FBLN1: variants seen among roughly 807,000 people sequenced by gnomAD.
The protein encoded by FBLN1 is fibulin-1.
A neutral mutation model predicts 89.7 loss-of-function variants in FBLN1; 34 were observed. That is an observed-to-expected ratio of 0.38 (90% confidence interval 0.29 to 0.50). The LOEUF (loss-of-function observed/expected upper bound fraction) is 0.50. Ranked by LOEUF, FBLN1 falls within the 20% of genes least tolerant of loss-of-function variation. The pLI, the probability that FBLN1 is intolerant of heterozygous loss-of-function variation, is 0.92. For synonymous variants in FBLN1, 393 were observed against 391.3 expected, an observed-to-expected ratio of 1.00 and a Z score of -0.05; for missense variants, 777 against 988.1, an observed-to-expected ratio of 0.79 and a Z score of 2.86.
At chr22:45,565,129 T>A in intron 14 of FBLN1, 12 of 1,586,386 alleles carry the variant, frequency 7.6e-6, no homozygotes, top group Non-Finnish European at 1.0e-5. Context: ...CATGCCAGGT[T>A]TGCACCAGCC....
rs766630351 is a variant in FBLN1 at position 45,533,830 on chromosome 22, C to G, written c.716C>G (p.Ser239Cys). 2 of 1,613,950 alleles carry G rather than the reference C, an allele frequency of 1.2e-6. No individual in the cohort carries two copies. Among genetic ancestry groups the G allele is most frequent in the African/African-American group, 2.7e-5 (2 of 74,950 alleles). The change falls in exon 7 of 17, where the codon TCT becomes TGT. Residue 239 changes from serine (S) to cysteine (C), a missense_variant. Ser to Cys is a moderately radical substitution (Grantham distance 112, BLOSUM62 -1). Coordinates refer to ENST00000327858, the MANE Select transcript of FBLN1 (RefSeq NM_006486.3). The part of the protein sequence containing the change: ...LGESCINTVG[S>C]FRCQRDSSCG... ...GAATCCTGCATCAACACAGTGGGCTCTTTCCGCTGCCAGCGGGACAGCAGC... is the reference window on the plus strand; with the variant it reads ...GAATCCTGCATCAACACAGTGGGCTGTTTCCGCTGCCAGCGGGACAGCAGC...
chr22:45,536,494 G>T lies in FBLN1; in HGVS notation c.922+1157G>T, dbSNP rs1324125940. 6.6e-6 allele frequency among the ~76,000 whole-genome samples: 1 copy of T among 152,216 alleles called. No homozygotes were observed. The highest frequency in any genetic ancestry group is 1.5e-5 in the Non-Finnish European group (1 of 68,040). Reference sequence around the variant, plus strand: ...AGAAAAGAAACTCTGGCCAGGCACGGTGGCTCACACTTGTAATCCCAGCAC... The same window carrying T: ...AGAAAAGAAACTCTGGCCAGGCACGTTGGCTCACACTTGTAATCCCAGCAC... On this transcript the variant is annotated intron_variant, in intron 8 of 16. Transcript: ENST00000327858. This position sits in a 1 kb window ranked among gnomAD's most constrained non-coding sequence, Gnocchi z 5.1.
At position 45,556,024 on chromosome 22, in the gene FBLN1, C is replaced by G. The variant is rs1162508346; in HGVS notation, c.1697+5409C>G. Among the ~76,000 whole-genome samples, 4 of 152,298 alleles carry G rather than the reference C, an allele frequency of 2.6e-5. No homozygotes were observed. In the East Asian group the frequency reaches 7.7e-4, roughly 29 times the overall value. ...GTTTGTGTGTTTTTTAAGACAGAGT[C>G]TCCCTCTGTTGCCGAGGCTGAAGTG... is the stretch of plus-strand genomic sequence containing the variant. On this transcript the variant is annotated intron_variant, in intron 14 of 16. Transcript: ENST00000327858. The surrounding 1 kb of genome is among the most constrained non-coding windows in gnomAD (Gnocchi z 4.6).
intron 3 of FBLN1, 114 bp from the exon 4 acceptor site, chr22:45,527,733 A>G (rs2146962274): frequency 1.9e-6 from 2 of 1,062,132 alleles, no homozygotes; most frequent in South Asian, 1.3e-5. Context: ...TTGAGTCATC[A>G]CTCTACAGGT....
At chr22:45,516,763 C>T (rs1004004195) in intron 1 of FBLN1, among the ~76,000 whole-genome samples, 1 of 152,216 alleles carries the variant, frequency 6.6e-6, no homozygotes, top group South Asian at 2.1e-4. Flanking sequence ...CTCGGGGAGC[C>T]GGGTGAGAGT....
chr22:45,564,944 G>A, intron 14 of FBLN1: 12 of 1,614,110 alleles, frequency 7.4e-6, no homozygotes, highest in Non-Finnish European at 1.0e-5. Context: ...AGGACTGCAG[G>A]GTTCTTCCAT....
Position 45,599,032 on chromosome 22 carries a change from T to C in FBLN1, c.1973-1275T>C, listed in dbSNP as rs2089209260. ...GCCAGCTGGGCCTGGTCGGGGGCCA[T>C]GGAGATGGCGGGCCCAGGCTGGGGA... On this transcript the variant is annotated intron_variant, in intron 16 of 16. Coordinates refer to ENST00000327858, the MANE Select transcript of FBLN1 (RefSeq NM_006486.3). 2.0e-5 allele frequency among the ~76,000 whole-genome samples: 3 copies of C among 152,188 alleles called. No homozygotes were observed. In the South Asian group the frequency reaches 6.2e-4, roughly 31 times the overall value.
chr22:45,523,473 C>T (rs577224658), intron 2 of FBLN1, among the ~76,000 whole-genome samples: 5 of 152,290 alleles, frequency 3.3e-5, no homozygotes, highest in Non-Finnish European at 4.4e-5. Flanking sequence ...GAGGCTGAGG[C>T]GGGCAGATCA....
chr22:45,565,135 C>G (rs1422475799), intron 14 of FBLN1: 3 of 1,582,676 alleles, frequency 1.9e-6, no homozygotes, highest in South Asian at 1.1e-5. Flanking sequence ...AGGTTTGCAC[C>G]AGCCTCGAGT....
At chr22:45,548,498 G>A in intron 12 of FBLN1, 115 bp from the exon 13 acceptor site, 4 of 1,416,772 alleles carry the variant, frequency 2.8e-6, no homozygotes, top group African/African-American at 1.4e-5. Context: ...TGTTCAGCTT[G>A]TCCTGTGCTG....
chr22:45,542,055 C>G, intron 9 of FBLN1, 100 bp from the exon 10 acceptor site: 1 of 1,559,300 alleles, frequency 6.4e-7, no homozygotes, highest in Non-Finnish European at 8.8e-7. Flanking sequence ...TGCCTGTTTC[C>G]ATGTCCATGT....
At chr22:45,564,495 G>C (rs8136595) in intron 14 of FBLN1, among the ~76,000 whole-genome samples, 1 of 152,162 alleles carries the variant, frequency 6.6e-6, no homozygotes, top group Admixed American at 6.5e-5. Flanking sequence ...TGCTGCCTCC[G>C]GCCCTTGGTA....
At chr22:45,522,249 A>T (rs1224685109) in intron 2 of FBLN1, among the ~76,000 whole-genome samples, 1 of 152,212 alleles carries the variant, frequency 6.6e-6, no homozygotes, top group African/African-American at 2.4e-5. Context: ...GCCTCCCAAC[A>T]TGCTGAGATT....
Position 45,574,456 on chromosome 22 carries a change from T to C in FBLN1, c.1698-55T>C. The C allele has an allele frequency of 6.2e-7, 1 of 1,609,110 alleles. No homozygotes were observed. Among genetic ancestry groups the C allele is most frequent in the Non-Finnish European group, 8.5e-7 (1 of 1,176,356 alleles). On this transcript the variant is annotated intron_variant, in intron 14 of 16. Transcript: ENST00000327858. This position sits in a 1 kb window ranked among gnomAD's most constrained non-coding sequence, Gnocchi z 4.1. ...CCTCCTCCCTAGACCTCGGCCCCTG[T>C]GGGAGCTGCTGTCCCAGCTTCCCCG...
chr22:45,535,536 A>G, intron 8 of FBLN1, 199 bp downstream of exon 8: 1 of 628,136 alleles, frequency 1.6e-6, no homozygotes, highest in Non-Finnish European at 2.8e-6. Context: ...ATAATAGTCA[A>G]CTCTGCTGTT....
At position 45,563,097 on chromosome 22, in the gene FBLN1, G is replaced by C; in HGVS notation, c.1698-11414G>C. On this transcript the variant is annotated intron_variant, in intron 14 of 16. Coordinates refer to ENST00000327858, the MANE Select transcript of FBLN1 (RefSeq NM_006486.3). The surrounding 1 kb of genome is among the most constrained non-coding windows in gnomAD (Gnocchi z 5.7). ...GCCATCACCGGCGGCAATGAGGAGGGCTTTTTCACCACCCGGAAGGTGAGC... is the reference window on the plus strand; with the variant it reads ...GCCATCACCGGCGGCAATGAGGAGGCCTTTTTCACCACCCGGAAGGTGAGC... 1 of 1,613,416 alleles carries C rather than the reference G, an allele frequency of 6.2e-7. No individual in the cohort carries two copies. Among genetic ancestry groups the C allele is most frequent in the Non-Finnish European group, 8.5e-7 (1 of 1,180,002 alleles).
chr22:45,520,029 T>C (rs136721), intron 2 of FBLN1, among the ~76,000 whole-genome samples: 71,367 of 151,866 alleles, frequency 0.47, 17,434 homozygotes, highest in East Asian at 0.76. Flanking sequence ...AATTAGCTGG[T>C]TGTGGTGGCG....
intron 4 of FBLN1, among the ~76,000 whole-genome samples, chr22:45,529,136 G>C (rs2238816): frequency 0.15 from 23,509 of 152,170 alleles, 2,370 homozygotes; most frequent in African/African-American, 0.29. Context: ...GTCTGATGCT[G>C]AAGATCGCAC....
chr22:45,568,801 C>G lies in FBLN1; in HGVS notation c.1698-5710C>G, dbSNP rs1328859665. 3.8e-5 allele frequency among the ~76,000 whole-genome samples: 2 copies of G among 52,916 alleles called. 1 individual carries two copies. The highest frequency in any genetic ancestry group is 1.0e-3 in the East Asian group (2 of 1,978). 34.7% of individuals were successfully genotyped at this position (52,916 alleles called of 152,430 possible). A position where few individuals can be genotyped will look rare whatever the true frequency, so the allele number is the denominator to read the frequency against. On this transcript the variant is annotated intron_variant, in intron 14 of 16. Transcript: ENST00000327858. ...ATGCTCCTCCTGTAAGGGAATGCCT[C>G]TTCTGTAGGGGAATGCTCCTCCTGT...
Sources: gnomAD v4.1 joint callset for allele counts (sites outside exome capture counted in the v4.1 genomes callset) on GRCh38, gnomAD v4.1.1 for gene constraint, Gnocchi (gnomAD v3.1) non-coding constraint, MANE v1.5 for transcripts, NCBI Gene and HGNC (gene_info 2026-07-23, HGNC 2026-07-21) for gene names.